The following LAMB1 variants were observed in gnomAD, a reference collection of about 807,000 sequenced individuals.
LAMB1 encodes laminin subunit beta 1, also known as laminin subunit beta-1.
In LAMB1, 121 loss-of-function variants were observed where a neutral mutation model predicts 222.3. The ratio of observed to expected loss-of-function variants is 0.54; its 90% CI spans 0.47 to 0.63. The LOEUF is 0.63. LAMB1 is among the 30% of genes least tolerant of loss of function. The pLI, the probability that LAMB1 is intolerant of heterozygous loss-of-function variation, is 0.00. For synonymous variants in LAMB1, 794 were observed against 807.2 expected, an observed-to-expected ratio of 0.98 and a Z score of 0.28; for missense variants, 2,172 against 2,240.8, an observed-to-expected ratio of 0.97 and a Z score of 0.62.
chr7:107,951,520 G>T (rs1280523071), intron 23 of LAMB1, among the ~76,000 whole-genome samples, 198 bp from the exon 24 acceptor site: 2 of 152,162 alleles, frequency 1.3e-5, no homozygotes, highest in African/African-American at 4.8e-5. Flanking sequence ...TTTTGCAACA[G>T]GGCTTGGAAA....
intron 24 of LAMB1, among the ~76,000 whole-genome samples, chr7:107,947,943 C>A (rs574287764): frequency 1.3e-5 from 2 of 151,996 alleles, no homozygotes; most frequent in African/African-American, 4.8e-5. Flanking sequence ...TACTTTAACA[C>A]CCCAAATAAA....
intron 25 of LAMB1, among the ~76,000 whole-genome samples, chr7:107,938,532 C>G (rs970417176): frequency 2.0e-5 from 3 of 152,020 alleles, no homozygotes; most frequent in African/African-American, 7.2e-5. Context: ...ACTAGTTTTC[C>G]TGTGATTATT....
intron 7 of LAMB1, among the ~76,000 whole-genome samples, chr7:107,981,626 G>A (rs972651064): frequency 2.6e-5 from 4 of 152,114 alleles, no homozygotes; most frequent in Admixed American, 6.6e-5. Context: ...TTATAAGAAC[G>A]CAGCTGCATG....
chr7:107,985,894 T>G (rs944245118), intron 7 of LAMB1, 128 bp downstream of exon 7: 35 of 660,268 alleles, frequency 5.3e-5, no homozygotes, highest in African/African-American at 4.2e-4. Flanking sequence ...GAGGCGGAGG[T>G]TGCAATGAGC....
intron 24 of LAMB1, among the ~76,000 whole-genome samples, chr7:107,943,631 C>G (rs1292245046): frequency 6.6e-6 from 1 of 152,088 alleles, no homozygotes. Flanking sequence ...CTCTACTCTC[C>G]TCCCATCCCC....
chr7:107,943,191 C>T (rs1272571156), intron 24 of LAMB1, among the ~76,000 whole-genome samples: 1 of 152,110 alleles, frequency 6.6e-6, no homozygotes, highest in East Asian at 1.9e-4. Flanking sequence ...GTTCTGTATC[C>T]TTATCTTGAA....
chr7:107,932,814 G>T (rs879914037), intron 27 of LAMB1, among the ~76,000 whole-genome samples: 2 of 152,060 alleles, frequency 1.3e-5, no homozygotes, highest in East Asian at 3.9e-4. Context: ...TGACATAAAA[G>T]ATCTATTACC....
intron 27 of LAMB1, 59 bp downstream of exon 27, chr7:107,935,356 T>TG (rs1562976505): frequency 4.4e-6 from 2 of 453,840 alleles, no homozygotes; most frequent in South Asian, 1.3e-4. Flanking sequence ...TGTTTTTTTT[T>TG]TTTTTTTTTT....
chr7:107,997,227 C>G (rs550785455), intron 4 of LAMB1, among the ~76,000 whole-genome samples: 6 of 151,986 alleles, frequency 3.9e-5, no homozygotes, highest in Non-Finnish European at 8.8e-5. Flanking sequence ...ATTGAGACCA[C>G]CCTGGCTAAC....
At chr7:107,933,690 C>G (rs1037765770) in intron 27 of LAMB1, among the ~76,000 whole-genome samples, 3 of 152,040 alleles carry the variant, frequency 2.0e-5, no homozygotes, top group African/African-American at 4.8e-5. Flanking sequence ...ACAAAACTCT[C>G]TCTACACAAG....
intron 24 of LAMB1, among the ~76,000 whole-genome samples, chr7:107,943,489 C>T (rs2033042625): frequency 6.6e-6 from 1 of 152,132 alleles, no homozygotes; most frequent in African/African-American, 2.4e-5. Context: ...GAATACATTT[C>T]CATTATCATT....
intron 18 of LAMB1, 107 bp downstream of exon 18, chr7:107,960,338 G>C: frequency 2.7e-6 from 2 of 735,812 alleles, no homozygotes; most frequent in Admixed American, 2.4e-5. Flanking sequence ...TATTTCCCTT[G>C]TGCTGCCTAA....
chr7:107,972,981 G>T lies in LAMB1; in HGVS notation c.1562+11C>A. On this transcript the variant is annotated intron_variant, in intron 13 of 33. Transcript: ENST00000222399. ...GACTGAGGACAAGAGCATACGTAGA[G>T]CTCCATTTACCTGTTGTTTAAGGCT... 6.2e-7 allele frequency: 1 copy of T among 1,602,654 alleles called. No individual in the cohort carries two copies. The highest frequency in any genetic ancestry group is 8.5e-7 in the Non-Finnish European group (1 of 1,169,632).
At chr7:107,966,561 G>A (rs2033641634) in intron 13 of LAMB1, among the ~76,000 whole-genome samples, 2 of 152,160 alleles carry the variant, frequency 1.3e-5, no homozygotes, top group African/African-American at 2.4e-5. Context: ...AGGAAAGCTT[G>A]TTCCAATTAG....
At chr7:107,943,430 TAA>T (rs1369302885) in intron 24 of LAMB1, among the ~76,000 whole-genome samples, 8 of 152,208 alleles carry the variant, frequency 5.3e-5, no homozygotes, top group Non-Finnish European at 1.0e-4. Context: ...AACTTACAAA[TAA>T]CTTAAATAAC....
At chr7:107,994,769 T>C (rs2034252476) in intron 5 of LAMB1, 118 bp downstream of exon 5, 2 of 555,560 alleles carry the variant, frequency 3.6e-6, no homozygotes, top group Non-Finnish European at 6.5e-6. Flanking sequence ...CCCCAATTTA[T>C]GGCAACAATA....
At chr7:107,969,756 A>G (rs2033708094) in intron 13 of LAMB1, among the ~76,000 whole-genome samples, 1 of 152,224 alleles carries the variant, frequency 6.6e-6, no homozygotes. Flanking sequence ...ACTGTATTGA[A>G]TACCATAGGC....
At chr7:107,925,481 G>C (rs1158722330) in intron 32 of LAMB1, among the ~76,000 whole-genome samples, 1 of 152,096 alleles carries the variant, frequency 6.6e-6, no homozygotes, top group Non-Finnish European at 1.5e-5. Context: ...CCCGAGTCTG[G>C]AAAAATTGTC....
At chr7:107,965,704 C>T (rs904238359) in intron 13 of LAMB1, among the ~76,000 whole-genome samples, 1 of 152,204 alleles carries the variant, frequency 6.6e-6, no homozygotes, top group Non-Finnish European at 1.5e-5. Context: ...TCAACTCATT[C>T]TCAAGGTTTG....
Sources: gnomAD v4.1 joint callset for allele counts (sites outside exome capture counted in the v4.1 genomes callset) on GRCh38, gnomAD v4.1.1 for gene constraint, MANE v1.5 for transcripts, NCBI Gene and HGNC (gene_info 2026-07-23, HGNC 2026-07-21) for gene names.